GRIA4: variants seen among roughly 807,000 people sequenced by gnomAD.
GRIA4 encodes glutamate ionotropic receptor AMPA type subunit 4.
A neutral mutation model predicts 104.0 loss-of-function variants in GRIA4; 34 were observed. The ratio of observed to expected loss-of-function variants is 0.33; its 90% CI spans 0.25 to 0.44. The LOEUF (loss-of-function observed/expected upper bound fraction) is 0.44, where lower values mean the gene tolerates loss of function less well. Among genes scored for constraint, GRIA4 ranks in the 20% least tolerant of loss-of-function variants. The pLI, the probability that GRIA4 is intolerant of heterozygous loss-of-function variation, is 1.00. For missense variants in GRIA4, 750 were observed against 1,096.5 expected, an observed-to-expected ratio of 0.68 and a Z score of 4.46; for synonymous variants, 386 against 381.9, an observed-to-expected ratio of 1.01 and a Z score of -0.13.
At chr11:105,976,503 G>A (rs1225028843) in intron 16 of GRIA4, among the ~76,000 whole-genome samples, 1 of 151,876 alleles carries the variant, frequency 6.6e-6, no homozygotes, top group Non-Finnish European at 1.5e-5. Flanking sequence ...TAAATAGGAA[G>A]CATTCATTGG....
rs191356133 is a variant in GRIA4 at position 105,845,886 on chromosome 11, G to A, written c.488-16138G>A. On this transcript the variant is annotated intron_variant, in intron 4 of 16. Transcript: ENST00000282499. ...AGCCTGGGCGACAGAGAGAGACTCC[G>A]TCTCAAAACAAACAAACAAACAAAC... Among the ~76,000 whole-genome samples the A allele has an allele frequency of 4.1e-3, 616 of 151,952 alleles. 13 individuals are homozygous for A. The highest frequency in any genetic ancestry group is 5.4e-3 in the Admixed American group (82 of 15,184).
At chr11:105,847,741 A>G (rs1030147994) in intron 4 of GRIA4, among the ~76,000 whole-genome samples, 2 of 152,218 alleles carry the variant, frequency 1.3e-5, no homozygotes, top group Non-Finnish European at 2.9e-5. Flanking sequence ...CAGGTAGAAC[A>G]TTTATATAAT....
intron 16 of GRIA4, among the ~76,000 whole-genome samples, chr11:105,979,137 A>G (rs928252954): frequency 2.0e-5 from 3 of 152,212 alleles, no homozygotes; most frequent in Non-Finnish European, 4.4e-5. Flanking sequence ...TAGTCTATAC[A>G]TATCGTTTGT....
Position 105,618,064 on chromosome 11 carries a change from C to T in GRIA4, c.247+5630C>T, listed in dbSNP as rs189188120. 1.5e-3 allele frequency among the ~76,000 whole-genome samples: 232 copies of T among 151,900 alleles called. 2 individuals are homozygous for T. Among genetic ancestry groups the T allele is most frequent in the Non-Finnish European group, 2.2e-3 (147 of 67,896 alleles). On this transcript the variant is annotated intron_variant, in intron 3 of 16. Transcript: ENST00000282499. ...CATGCCTCGTCAAAGGAGTAGTGCA[C>T]GAGGAGACACCAAGTTGTGGGACAG...
intron 3 of GRIA4, among the ~76,000 whole-genome samples, chr11:105,681,116 G>A (rs1017135975): frequency 2.0e-5 from 3 of 152,188 alleles, no homozygotes; most frequent in Admixed American, 6.5e-5. Flanking sequence ...AAATCATGGA[G>A]TAAAGAGAGA....
chr11:105,833,126 C>T (rs1037635657), intron 4 of GRIA4, among the ~76,000 whole-genome samples: 3 of 151,876 alleles, frequency 2.0e-5, no homozygotes, highest in South Asian at 2.1e-4. Context: ...CACTTCTTCA[C>T]GCTGTATTTC....
intron 4 of GRIA4, among the ~76,000 whole-genome samples, chr11:105,793,357 G>A (rs573492764): frequency 2.7e-4 from 41 of 152,210 alleles, no homozygotes; most frequent in Non-Finnish European, 5.6e-4. Context: ...TAGAGGCAAA[G>A]GGACAATACA....
intron 4 of GRIA4, among the ~76,000 whole-genome samples, chr11:105,850,098 G>A (rs979656439): frequency 1.4e-4 from 21 of 152,072 alleles, no homozygotes; most frequent in African/African-American, 4.3e-4. Context: ...GGTGGCACAC[G>A]GTACCATTGT....
intron 3 of GRIA4, among the ~76,000 whole-genome samples, chr11:105,617,888 C>T (rs2135261105): frequency 6.6e-6 from 1 of 152,072 alleles, no homozygotes; most frequent in South Asian, 2.1e-4. Flanking sequence ...TGGTAAAGTG[C>T]TATGACAGAG....
chr11:105,886,367 T>C (rs1031650452), intron 5 of GRIA4, among the ~76,000 whole-genome samples: 1 of 152,148 alleles, frequency 6.6e-6, no homozygotes, highest in Non-Finnish European at 1.5e-5. Flanking sequence ...TTAGTTATTT[T>C]AAAAATGTAC....
At chr11:105,899,968 A>C (rs1591419218) in intron 7 of GRIA4, among the ~76,000 whole-genome samples, 1 of 152,278 alleles carries the variant, frequency 6.6e-6, no homozygotes, top group East Asian at 1.9e-4. Context: ...TGAAATCATC[A>C]GCAAAAAGCA....
intron 3 of GRIA4, among the ~76,000 whole-genome samples, chr11:105,700,048 T>C (rs1486328283): frequency 3.3e-5 from 5 of 152,346 alleles, no homozygotes; most frequent in African/African-American, 9.6e-5. Context: ...TAAATATCTA[T>C]GGTAAATCCA....
At chr11:105,695,210 C>T (rs1953225869) in intron 3 of GRIA4, among the ~76,000 whole-genome samples, 1 of 152,156 alleles carries the variant, frequency 6.6e-6, no homozygotes, top group Non-Finnish European at 1.5e-5. Flanking sequence ...CCCTGCAGAA[C>T]ACTATACTTG....
chr11:105,794,434 T>G (rs1220665458), intron 4 of GRIA4, among the ~76,000 whole-genome samples: 2 of 13,292 alleles, frequency 1.5e-4, no homozygotes, highest in Non-Finnish European at 2.7e-4. Context: ...TGTGCCGGGG[T>G]GTGTGTGTGT....
chr11:105,755,744 A>C (rs573480450), intron 4 of GRIA4, among the ~76,000 whole-genome samples: 1 of 152,324 alleles, frequency 6.6e-6, no homozygotes, highest in Non-Finnish European at 1.5e-5. Context: ...GCATCAGCCA[A>C]TCCATTGAAG....
chr11:105,622,304 C>A (rs964277893), intron 3 of GRIA4, among the ~76,000 whole-genome samples: 10 of 151,746 alleles, frequency 6.6e-5, no homozygotes, highest in African/African-American at 2.4e-4. Flanking sequence ...ATTTGTAACA[C>A]TAACTCTTCT....
At chr11:105,680,320 C>T (rs1358562015) in intron 3 of GRIA4, among the ~76,000 whole-genome samples, 2 of 152,010 alleles carry the variant, frequency 1.3e-5, no homozygotes, top group African/African-American at 2.4e-5. Flanking sequence ...TAAATCCTGG[C>T]TATAGGAGGA....
At chr11:105,874,804 A>C (rs1336620480) in intron 5 of GRIA4, among the ~76,000 whole-genome samples, 1 of 152,212 alleles carries the variant, frequency 6.6e-6, no homozygotes, top group Non-Finnish European at 1.5e-5. Flanking sequence ...CAGCTTAAGG[A>C]GATTTTGGGC....
intron 4 of GRIA4, among the ~76,000 whole-genome samples, chr11:105,809,679 C>G (rs1943096230): frequency 6.6e-6 from 1 of 152,064 alleles, no homozygotes; most frequent in South Asian, 2.1e-4. Context: ...CCTTGCTTCC[C>G]CTTTGCCTTC....
Sources: gnomAD v4.1 joint callset for allele counts (sites outside exome capture counted in the v4.1 genomes callset) on GRCh38, gnomAD v4.1.1 for gene constraint, MANE v1.5 for transcripts, NCBI Gene and HGNC (gene_info 2026-07-23, HGNC 2026-07-21) for gene names.